Variants in RGS7 observed in about 807,000 individuals in gnomAD.
RGS7 encodes the protein regulator of G-protein signaling 7.
In RGS7, 27 loss-of-function variants were observed where a neutral mutation model predicts 81.1. The observed-to-expected ratio is 0.33, with a 90% CI of 0.25 to 0.46. The LOEUF (loss-of-function observed/expected upper bound fraction) is 0.46, where lower values mean the gene tolerates loss of function less well. Among genes scored for constraint, RGS7 ranks in the 20% least tolerant of loss-of-function variants. The pLI, the probability that RGS7 is intolerant of heterozygous loss-of-function variation, is 1.00. For synonymous variants in RGS7, 208 were observed against 207.7 expected (o/e 1.00, Z -0.01); for missense variants, 396 against 607.4 (o/e 0.65, Z 3.66).
intron 3 of RGS7, among the ~76,000 whole-genome samples, chr1:240,994,354 C>T (rs551088729): frequency 4.3e-4 from 66 of 152,118 alleles, no homozygotes; most frequent in African/African-American, 1.5e-3. Flanking sequence ...TTTCTTTCAC[C>T]AGCATTTTGC....
intron 2 of RGS7, among the ~76,000 whole-genome samples, chr1:241,121,558 G>A (rs2066254672): frequency 6.6e-6 from 1 of 152,056 alleles, no homozygotes; most frequent in Non-Finnish European, 1.5e-5. Flanking sequence ...AATATGTCTG[G>A]GAGTGAGGGT....
chr1:241,347,080 T>G (rs776732221), intron 2 of RGS7, among the ~76,000 whole-genome samples: 12 of 152,202 alleles, frequency 7.9e-5, no homozygotes, highest in Non-Finnish European at 1.6e-4. Flanking sequence ...AAAATTTCTA[T>G]GAAACCAGTT....
intron 3 of RGS7, among the ~76,000 whole-genome samples, chr1:241,075,708 G>A (rs1183348346): frequency 6.6e-6 from 1 of 152,194 alleles, no homozygotes; most frequent in Admixed American, 6.5e-5. Context: ...CCATGGGTTG[G>A]ACAAGCTTGC....
intron 13 of RGS7, 93 bp from the exon 14 acceptor site, chr1:240,812,136 G>C (rs1689957240): frequency 2.7e-5 from 36 of 1,331,526 alleles, no homozygotes; most frequent in Non-Finnish European, 3.9e-5. Context: ...TGTGTGCCTC[G>C]AAGTTCCCAT....
intron 6 of RGS7, among the ~76,000 whole-genome samples, chr1:240,904,176 G>A (rs1670455981): frequency 6.6e-6 from 1 of 152,092 alleles, no homozygotes; most frequent in Non-Finnish European, 1.5e-5. Flanking sequence ...GTTTTTGGGA[G>A]GAGAGAGTCA....
At chr1:241,203,621 T>C (rs2073677477) in intron 2 of RGS7, among the ~76,000 whole-genome samples, 2 of 152,148 alleles carry the variant, frequency 1.3e-5, no homozygotes, top group Non-Finnish European at 2.9e-5. Context: ...CAACAAACAG[T>C]TTTCTGTTTA....
intron 3 of RGS7, among the ~76,000 whole-genome samples, chr1:241,049,943 G>C (rs1006463131): frequency 2.0e-5 from 3 of 152,072 alleles, no homozygotes; most frequent in African/African-American, 7.2e-5. Context: ...ATAAAACATA[G>C]AAAGTACTAT....
At chr1:241,184,720 C>A (rs1002418627) in intron 2 of RGS7, among the ~76,000 whole-genome samples, 35 of 152,048 alleles carry the variant, frequency 2.3e-4, no homozygotes, top group African/African-American at 8.5e-4. Flanking sequence ...AGGCCCCATC[C>A]CCCAAGAAAT....
chr1:240,900,351 T>C (rs1394959314), intron 6 of RGS7, among the ~76,000 whole-genome samples: 1 of 152,190 alleles, frequency 6.6e-6, no homozygotes, highest in Non-Finnish European at 1.5e-5. Flanking sequence ...CTGCATTCCT[T>C]TGGAGGAGAA....
rs116596751 is a variant in RGS7, at chr1:241,048,213, G to A, written c.175+50453C>T. 3.3e-3 allele frequency among the ~76,000 whole-genome samples: 501 copies of A among 152,164 alleles called. 3 individuals are homozygous for A. The highest frequency in any genetic ancestry group is 0.01 in the Middle Eastern group (3 of 294). On this transcript the variant is annotated intron_variant, in intron 3 of 18. Transcript: ENST00000440928. ...TTCCACTTTAGATCCGTCTATGTTC[G>A]TAACCCTGGGACAGGATCAATGATC... is the stretch of plus-strand genomic sequence containing the variant.
intron 6 of RGS7, among the ~76,000 whole-genome samples, chr1:240,910,267 T>C (rs1425639034): frequency 6.6e-6 from 1 of 152,178 alleles, no homozygotes; most frequent in Admixed American, 6.5e-5. Flanking sequence ...ACGGTTTGTA[T>C]GTAAATAAAT....
At chr1:241,258,847 G>A (rs976879181) in intron 2 of RGS7, among the ~76,000 whole-genome samples, 4 of 152,142 alleles carry the variant, frequency 2.6e-5, no homozygotes, top group Non-Finnish European at 4.4e-5. Flanking sequence ...GCCTAGCAAC[G>A]TGATAATTCA....
At chr1:240,982,562 T>C (rs943943425) in intron 4 of RGS7, among the ~76,000 whole-genome samples, 2 of 151,982 alleles carry the variant, frequency 1.3e-5, no homozygotes. Flanking sequence ...ATAGACACAA[T>C]GTCCAACATG....
intron 2 of RGS7, among the ~76,000 whole-genome samples, chr1:241,190,287 A>G (rs2072537798): frequency 6.6e-6 from 1 of 152,158 alleles, no homozygotes; most frequent in Non-Finnish European, 1.5e-5. Flanking sequence ...TTTTCTTTTC[A>G]AAATTGTTTT....
chr1:240,775,102 C>T (rs1682773556), downstream of RGS7, among the ~76,000 whole-genome samples: 1 of 152,000 alleles, frequency 6.6e-6, no homozygotes, highest in East Asian at 1.9e-4. Flanking sequence ...TCTGTAACCT[C>T]CAAAAAGTTA....
chr1:241,064,488 T>A (rs190796427), intron 3 of RGS7, among the ~76,000 whole-genome samples: 14 of 150,590 alleles, frequency 9.3e-5, no homozygotes, highest in Non-Finnish European at 1.5e-4. Context: ...CACAGGAGGT[T>A]GAAGTGGGAG....
intron 2 of RGS7, among the ~76,000 whole-genome samples, chr1:241,330,702 GA>G (rs2081931002): frequency 6.6e-6 from 1 of 152,140 alleles, no homozygotes; most frequent in African/African-American, 2.4e-5. Context: ...TTCCACCCTA[GA>G]ATCTAAAGGC....
At chr1:241,269,902 T>C (rs2077783690) in intron 2 of RGS7, among the ~76,000 whole-genome samples, 1 of 152,196 alleles carries the variant, frequency 6.6e-6, no homozygotes, top group Non-Finnish European at 1.5e-5. Flanking sequence ...TCAAAATTGG[T>C]TGGCAAACAT....
intron 10 of RGS7, among the ~76,000 whole-genome samples, chr1:240,817,972 C>A (rs1691124251): frequency 6.6e-6 from 1 of 152,212 alleles, no homozygotes; most frequent in South Asian, 2.1e-4. Context: ...TTGGAATAAT[C>A]TATTCCCAGA....
Sources: gnomAD v4.1 joint callset for allele counts (sites outside exome capture counted in the v4.1 genomes callset) on GRCh38, gnomAD v4.1.1 for gene constraint, MANE v1.5 for transcripts, NCBI Gene and HGNC (gene_info 2026-07-23, HGNC 2026-07-21) for gene names.